Variants in STARD3 observed in about 807,000 individuals in gnomAD.
STARD3 encodes the protein stAR-related lipid transfer protein 3.
Under a neutral mutation model 62.0 loss-of-function variants are expected in STARD3, and 39 were observed. That is an observed-to-expected ratio of 0.63 (90% CI 0.49 to 0.82). The LOEUF (loss-of-function observed/expected upper bound fraction) is 0.82, where lower values mean the gene tolerates loss of function less well. Among genes scored for constraint, STARD3 ranks in the 40% least tolerant of loss-of-function variants. STARD3 has a pLI of 0.00. For missense variants in STARD3, 543 were observed against 584.5 expected (o/e 0.93, Z 0.73); for synonymous variants, 229 against 242.4 (o/e 0.94, Z 0.51).
At chr17:39,647,461 C>T (rs1013057307) in intron 1 of STARD3, among the ~76,000 whole-genome samples, 29 of 152,290 alleles carry the variant, frequency 1.9e-4, no homozygotes, top group African/African-American at 6.5e-4. Context: ...ATTGTCCATT[C>T]CTGCCTCCCC....
chr17:39,657,992 G>C lies in STARD3; in HGVS notation c.395G>C (p.Ser132Thr). 1.3e-6 allele frequency: 2 copies of C among 1,575,088 alleles called. No homozygotes were observed. Among genetic ancestry groups the C allele is most frequent in the Non-Finnish European group, 1.7e-6 (2 of 1,160,190 alleles). ...GGGCAGGTCACGACGCTGGTGTCCA[G>C]TGCATTCCTCATTGTCAAGGTCATC... ...WVIAVTTLVS[S>T]AFLIVKVILS... Residue 132 changes from serine (S) to threonine (T), a missense_variant, in exon 5 of 15, where the codon AGT (serine) becomes ACT (threonine). Transcript: ENST00000336308.
chr17:39,641,130 C>A (rs1037456542), intron 1 of STARD3, among the ~76,000 whole-genome samples: 1 of 140,026 alleles, frequency 7.1e-6, no homozygotes, highest in African/African-American at 3.1e-5. Context: ...GAACCTACTC[C>A]CAAGTTTTTG....
At chr17:39,658,970 C>G (rs1275052821) in intron 7 of STARD3, 81 bp from the exon 8 acceptor site, 1 of 1,581,850 alleles carries the variant, frequency 6.3e-7, no homozygotes, top group Non-Finnish European at 8.7e-7. Context: ...CACATCCTTG[C>G]ACTCACATAC....
chr17:39,663,092 G>A lies in STARD3; in HGVS notation c.*184G>A, dbSNP rs774955845. ...CTGTGGGGTGGAGCACTGGACTCCG[G>A]GGCCCCACTGGCTGGAGGAAGTGGG... On this transcript the variant is annotated 3_prime_UTR_variant, in exon 15 of 15. Coordinates refer to ENST00000336308, the MANE Select transcript of STARD3 (RefSeq NM_006804.4). The A allele has an allele frequency of 1.8e-6, 1 of 565,800 alleles. No individual in the cohort carries two copies. Among genetic ancestry groups the A allele is most frequent in the Non-Finnish European group, 2.9e-6 (1 of 341,218 alleles). 35.0% of individuals were successfully genotyped at this position (565,800 alleles called of 1,614,324 possible). A position where few individuals can be genotyped will look rare whatever the true frequency, so the allele number is the denominator to read the frequency against.
intron 1 of STARD3, among the ~76,000 whole-genome samples, chr17:39,641,173 A>C (rs1312052295): frequency 6.6e-6 from 1 of 152,184 alleles, no homozygotes; most frequent in Admixed American, 6.5e-5. Flanking sequence ...CCAAACCCAC[A>C]CCCTTTCTCC....
At chr17:39,655,963 G>A (rs1220806750) in intron 2 of STARD3, among the ~76,000 whole-genome samples, 1 of 145,530 alleles carries the variant, frequency 6.9e-6, no homozygotes, top group African/African-American at 2.5e-5. Flanking sequence ...CAGAGCCCAG[G>A]GCAGAGTCTG....
intron 1 of STARD3, among the ~76,000 whole-genome samples, chr17:39,647,632 G>C (rs2057039568): frequency 6.6e-6 from 1 of 152,194 alleles, no homozygotes; most frequent in African/African-American, 2.4e-5. Context: ...CAGGTGGTCT[G>C]ATGGAGCTCA....
At chr17:39,656,305 G>A (rs1378342100) in intron 2 of STARD3, among the ~76,000 whole-genome samples, 1 of 152,164 alleles carries the variant, frequency 6.6e-6, no homozygotes, top group East Asian at 1.9e-4. Context: ...CCCACCTGAA[G>A]GAGCCTAGGC....
Position 39,659,083 on chromosome 17 carries a change from G to A in STARD3, c.679G>A (p.Gly227Arg), listed in dbSNP as rs2057165283. The change falls in exon 8 of 15, where the codon GGG becomes AGG. Residue 227 changes from glycine (G) to arginine (R), a missense_variant. Coordinates refer to ENST00000336308, the MANE Select transcript of STARD3 (RefSeq NM_006804.4). Reference protein sequence around the residue: ...SDNESDEEVAGKKSFSAQERE... With the variant: ...SDNESDEEVARKKSFSAQERE... ...CAATGAATCAGATGAAGAAGTTGCT[G>A]GGAAGAAAAGTTTCTCTGCTCAGGT... 1.9e-6 allele frequency: 3 copies of A among 1,614,040 alleles called. No homozygotes were observed. The highest frequency in any genetic ancestry group is 1.3e-5 in the African/African-American group (1 of 74,906).
intron 1 of STARD3, among the ~76,000 whole-genome samples, chr17:39,641,484 A>C (rs2056982723): frequency 6.6e-6 from 1 of 151,788 alleles, no homozygotes; most frequent in Non-Finnish European, 1.5e-5. Flanking sequence ...ATTCTGGGTC[A>C]GCCCCCTGAA....
intron 1 of STARD3, among the ~76,000 whole-genome samples, chr17:39,647,815 T>C (rs937799967): frequency 6.6e-6 from 1 of 152,124 alleles, no homozygotes; most frequent in African/African-American, 2.4e-5. Context: ...CCAAGTAAGG[T>C]ATTACTCTTT....
At chr17:39,639,843 G>A (rs2056967485) in intron 1 of STARD3, among the ~76,000 whole-genome samples, 1 of 152,206 alleles carries the variant, frequency 6.6e-6, no homozygotes. Context: ...CTTGCCTCCA[G>A]CTGATAGATG....
intron 1 of STARD3, among the ~76,000 whole-genome samples, chr17:39,649,902 A>G (rs2057061506): frequency 1.3e-5 from 2 of 151,558 alleles, no homozygotes; most frequent in Admixed American, 6.6e-5. Context: ...CAAAGAAAGC[A>G]TATTCCTTTA....
intron 2 of STARD3, among the ~76,000 whole-genome samples, chr17:39,654,592 G>T (rs757725567): frequency 1.1e-4 from 16 of 147,534 alleles, no homozygotes; most frequent in Non-Finnish European, 1.8e-4. Context: ...CTGGTCTCCA[G>T]GCAGGGCCAA....
chr17:39,647,846 CA>C (rs1428560219), intron 1 of STARD3, among the ~76,000 whole-genome samples: 3 of 152,102 alleles, frequency 2.0e-5, no homozygotes, highest in Non-Finnish European at 4.4e-5. Context: ...TCTTGCTTTG[CA>C]AAGGAGGTGG....
At chr17:39,654,578 T>C (rs1309831668) in intron 2 of STARD3, among the ~76,000 whole-genome samples, 1 of 143,446 alleles carries the variant, frequency 7.0e-6, no homozygotes, top group Non-Finnish European at 1.5e-5. Context: ...GGCAGTGGCC[T>C]GATCTGGTCT....
At chr17:39,645,953 G>A (rs1379979140) in intron 1 of STARD3, among the ~76,000 whole-genome samples, 1 of 142,808 alleles carries the variant, frequency 7.0e-6, no homozygotes, top group Non-Finnish European at 1.5e-5. Context: ...ATGCAGTGGC[G>A]GGATCTTGGC....
chr17:39,659,864 T>C, intron 9 of STARD3: 1 of 497,444 alleles, frequency 2.0e-6, no homozygotes, highest in Admixed American at 3.5e-5. Flanking sequence ...CAAAACAACA[T>C]TATCTACAAA....
intron 1 of STARD3, among the ~76,000 whole-genome samples, chr17:39,642,624 C>T (rs904107046): frequency 2.0e-5 from 3 of 152,138 alleles, no homozygotes; most frequent in Non-Finnish European, 2.9e-5. Flanking sequence ...TCATGGAGTT[C>T]GCATGCCAGT....
Sources: allele counts gnomAD v4.1 joint callset (sites outside exome capture counted in the v4.1 genomes callset), GRCh38; gene constraint gnomAD v4.1.1; transcripts MANE v1.5; gene names NCBI Gene and HGNC (gene_info 2026-07-23, HGNC 2026-07-21).